TUSC3: variants seen among roughly 807,000 people sequenced by gnomAD.
TUSC3 encodes the protein tumor suppressor candidate 3.
Under a neutral mutation model 44.8 loss-of-function variants are expected in TUSC3, and 45 were observed. The ratio of observed to expected loss-of-function variants is 1.00; its 90% CI spans 0.79 to 1.29. The LOEUF is 1.29. Ranked by LOEUF, TUSC3 falls within the 50% of genes most tolerant of loss-of-function variation. The pLI, the probability that TUSC3 is intolerant of heterozygous loss-of-function variation, is 0.00. For synonymous variants in TUSC3, 212 were observed against 152.9 expected (o/e 1.39, Z -2.85); for missense variants, 519 against 437.9 (o/e 1.19, Z -1.65).
chr8:15,770,806 T>C (rs1017170512), downstream of TUSC3, among the ~76,000 whole-genome samples: 1 of 151,972 alleles, frequency 6.6e-6, no homozygotes, highest in African/African-American at 2.4e-5. Context: ...ATATTAAGTA[T>C]AAATACGAGT....
Position 15,765,219 on chromosome 8 carries a change from A to G in TUSC3, c.*1063A>G, listed in dbSNP as rs1382551821. ...TAAATTTTATCTGACTCATAGAACT[A>G]ATGGAAGCTGAAAGCCAAAAATAAA... On this transcript the variant is annotated 3_prime_UTR_variant, in exon 11 of 11. Coordinates refer to ENST00000503731, the MANE Select transcript of TUSC3 (RefSeq NM_006765.4). The G allele has an allele frequency of 6.6e-6, 1 of 152,038 alleles. No individual in the cohort carries two copies. Among genetic ancestry groups the G allele is most frequent in the African/African-American group, 2.4e-5 (1 of 41,432 alleles). The allele number at this position is 152,038 out of a possible 1,614,324, so 9.4% of individuals were successfully genotyped here. A position where few individuals can be genotyped will look rare whatever the true frequency, so the allele number is the denominator to read the frequency against.
At chr8:15,569,128 G>C (rs1286771200) in intron 1 of TUSC3, among the ~76,000 whole-genome samples, 2 of 152,090 alleles carry the variant, frequency 1.3e-5, no homozygotes, top group Non-Finnish European at 1.5e-5. Flanking sequence ...GTATGATTAA[G>C]AGTACCATGC....
chr8:15,502,059 T>C (rs969407680), intron 2 of TUSC3, among the ~76,000 whole-genome samples: 6 of 152,228 alleles, frequency 3.9e-5, no homozygotes, highest in Non-Finnish European at 7.3e-5. Flanking sequence ...CAACCATCAC[T>C]TATGTGTTAT....
At chr8:15,685,547 G>T (rs1231901048) in intron 6 of TUSC3, among the ~76,000 whole-genome samples, 2 of 152,068 alleles carry the variant, frequency 1.3e-5, no homozygotes, top group Non-Finnish European at 2.9e-5. Context: ...GTTTATTATT[G>T]ATGCTCTGTC....
chr8:15,440,421 T>G (rs761635078), intron 1 of TUSC3, among the ~76,000 whole-genome samples: 4 of 152,154 alleles, frequency 2.6e-5, no homozygotes, highest in Non-Finnish European at 5.9e-5. Flanking sequence ...TTGGTATTTT[T>G]CACAAGAGCA....
chr8:15,610,152 T>A (rs1303085460), intron 1 of TUSC3, among the ~76,000 whole-genome samples: 1 of 152,186 alleles, frequency 6.6e-6, no homozygotes, highest in South Asian at 2.1e-4. Flanking sequence ...TTTGTATCGT[T>A]GTTTTTATGA....
intron 2 of TUSC3, among the ~76,000 whole-genome samples, chr8:15,625,829 G>A (rs1234717004): frequency 6.6e-6 from 1 of 152,162 alleles, no homozygotes; most frequent in African/African-American, 2.4e-5. Flanking sequence ...AGTGAGTAGA[G>A]AACATGGTGA....
At chr8:15,525,835 G>A (rs1801366218) in intron 2 of TUSC3, among the ~76,000 whole-genome samples, 1 of 152,142 alleles carries the variant, frequency 6.6e-6, no homozygotes, top group African/African-American at 2.4e-5. Flanking sequence ...CTGGGGTAAA[G>A]AGCCTGATCG....
chr8:15,686,439 C>G (rs758286215), intron 6 of TUSC3, among the ~76,000 whole-genome samples: 1 of 151,970 alleles, frequency 6.6e-6, no homozygotes, highest in Non-Finnish European at 1.5e-5. Context: ...ACATGCAGAA[C>G]ATTTTATTGC....
At chr8:15,687,051 T>C (rs1395426400) in intron 6 of TUSC3, among the ~76,000 whole-genome samples, 1 of 152,008 alleles carries the variant, frequency 6.6e-6, no homozygotes, top group Non-Finnish European at 1.5e-5. Flanking sequence ...GCAGCCTGGG[T>C]GACAGAGCAA....
At chr8:15,597,258 T>C (rs1184489341) in intron 1 of TUSC3, among the ~76,000 whole-genome samples, 1 of 152,136 alleles carries the variant, frequency 6.6e-6, no homozygotes, top group African/African-American at 2.4e-5. Context: ...CTGTCTACAC[T>C]GATTTTGAAG....
intron 1 of TUSC3, among the ~76,000 whole-genome samples, chr8:15,456,036 C>T (rs922672319): frequency 5.9e-5 from 9 of 152,122 alleles, no homozygotes; most frequent in South Asian, 2.1e-4. Context: ...GGTGGCCCTA[C>T]CCAGAATAAT....
In TUSC3 at chr8:15,552,146, A is replaced by G. The variant is rs562713753; in HGVS notation, c.138+11578A>G. Among the ~76,000 whole-genome samples the G allele has an allele frequency of 2.0e-5, 3 of 151,872 alleles. No homozygotes were observed. In the South Asian group the frequency reaches 6.3e-4, roughly 32 times the overall value. On this transcript the variant is annotated intron_variant, in intron 1 of 10. Coordinates refer to ENST00000503731, the MANE Select transcript of TUSC3 (RefSeq NM_006765.4). ...TGTTTTTCATATTATGTACCTTTTG[A>G]TGATTTTACGTAGAAATACTATTAT...
At chr8:15,595,741 AT>A (rs1804041324) in intron 1 of TUSC3, among the ~76,000 whole-genome samples, 1 of 152,152 alleles carries the variant, frequency 6.6e-6, no homozygotes, top group Non-Finnish European at 1.5e-5. Context: ...TGTAGCACTT[AT>A]TTTAGCTTTC....
chr8:15,487,805 G>T (rs528726410), intron 2 of TUSC3, among the ~76,000 whole-genome samples: 2 of 151,658 alleles, frequency 1.3e-5, no homozygotes, highest in African/African-American at 4.8e-5. Context: ...CACTTCATTT[G>T]ACATCGTTGT....
Position 15,757,863 on chromosome 8 carries a change from T to C in TUSC3, c.*46+8T>C. On this transcript the variant is annotated splice_region_variant and intron_variant, in intron 10 of 10. Transcript: ENST00000503731. ...AAAACTCTATAACCTCAGGCAAGTC[T>C]TTTAATCTTCTCTGAGCCTCAGTTT... 7.2e-7 allele frequency: 1 copy of C among 1,387,544 alleles called. No homozygotes were observed. Among genetic ancestry groups the C allele is most frequent in the Non-Finnish European group, 1.0e-6 (1 of 973,626 alleles). The allele number at this position is 1,387,544 out of a possible 1,614,324, so 86.0% of individuals were successfully genotyped here.
intron 1 of TUSC3, among the ~76,000 whole-genome samples, chr8:15,562,803 G>C (rs906731712): frequency 6.6e-6 from 1 of 152,114 alleles, no homozygotes; most frequent in Non-Finnish European, 1.5e-5. Context: ...CTTTATTCCA[G>C]ATCACTAGGA....
At chr8:15,831,603 C>A in the TUSC3 span, among the ~76,000 whole-genome samples, 7 of 152,142 alleles carry the variant, frequency 4.6e-5, no homozygotes, top group African/African-American at 1.7e-4. Context: ...TAGAAAAGAA[C>A]CTGATAACAA....
intron 2 of TUSC3, among the ~76,000 whole-genome samples, chr8:15,530,285 C>T (rs1196992714): frequency 6.6e-6 from 1 of 151,964 alleles, no homozygotes; most frequent in East Asian, 1.9e-4. Context: ...GAGGACTTTG[C>T]CTATCATTTC....
Sources: allele counts gnomAD v4.1 joint callset (sites outside exome capture counted in the v4.1 genomes callset), GRCh38; gene constraint gnomAD v4.1.1; transcripts MANE v1.5; gene names NCBI Gene and HGNC (gene_info 2026-07-23, HGNC 2026-07-21).